Variants in FOXP2 observed in about 807,000 individuals in gnomAD.
FOXP2 encodes the protein forkhead box protein P2.
In FOXP2, 12 loss-of-function variants were observed where a neutral mutation model predicts 115.8. That is an observed-to-expected ratio of 0.10 (90% CI 0.07 to 0.17). The LOEUF is 0.17. Ranked by LOEUF, FOXP2 falls within the 10% of genes least tolerant of loss-of-function variation. FOXP2 has a pLI of 1.00. For missense variants in FOXP2, 629 were observed against 843.5 expected, an observed-to-expected ratio of 0.75 and a Z score of 3.15; for synonymous variants, 328 against 297.7, an observed-to-expected ratio of 1.10 and a Z score of -1.05.
intron 2 of FOXP2, among the ~76,000 whole-genome samples, chr7:114,310,845 T>A (rs1170897367): frequency 6.6e-6 from 1 of 152,150 alleles, no homozygotes; most frequent in Non-Finnish European, 1.5e-5. Flanking sequence ...TAAAAAGCTC[T>A]CTAGCAGAAA....
intron 2 of FOXP2, among the ~76,000 whole-genome samples, chr7:114,312,807 T>G (rs1797178143): frequency 6.6e-6 from 1 of 152,216 alleles, no homozygotes. Flanking sequence ...AGCAGTAAGC[T>G]AGCCTGCTCT....
chr7:114,163,063 G>C (rs905453099), exon 1 of FOXP2: 3 of 152,130 alleles, frequency 2.0e-5, no homozygotes, highest in African/African-American at 7.2e-5. Context: ...TCCTGAGAGA[G>C]AGAATTAAAG....
At chr7:114,469,287 C>T (rs1795942140) in intron 2 of FOXP2, among the ~76,000 whole-genome samples, 1 of 152,090 alleles carries the variant, frequency 6.6e-6, no homozygotes, top group African/African-American at 2.4e-5. Context: ...ACACAATATC[C>T]TATGTCATAT....
At chr7:114,449,713 T>C (rs1423884065) in intron 2 of FOXP2, among the ~76,000 whole-genome samples, 1 of 152,120 alleles carries the variant, frequency 6.6e-6, no homozygotes, top group Non-Finnish European at 1.5e-5. Flanking sequence ...GCTACCTAGG[T>C]TTAATTGGTT....
chr7:114,544,334 C>T (rs1219616873), intron 3 of FOXP2, among the ~76,000 whole-genome samples: 1 of 152,074 alleles, frequency 6.6e-6, no homozygotes, highest in African/African-American at 2.4e-5. Flanking sequence ...AGTTAGAGAG[C>T]CTCTGTCTAA....
At chr7:114,182,036 A>G (rs548147769) in intron 1 of FOXP2, among the ~76,000 whole-genome samples, 1 of 152,124 alleles carries the variant, frequency 6.6e-6, no homozygotes, top group East Asian at 1.9e-4. Flanking sequence ...ATATACTTTA[A>G]TTGCTTTATG....
intron 2 of FOXP2, among the ~76,000 whole-genome samples, chr7:114,434,426 G>A (rs1794247300): frequency 1.2e-5 from 1 of 83,678 alleles, no homozygotes; most frequent in Non-Finnish European, 2.3e-5. Flanking sequence ...TGACCTCACG[G>A]TTTAATATAT....
chr7:114,447,708 G>T (rs1794896750), intron 2 of FOXP2, among the ~76,000 whole-genome samples: 1 of 152,006 alleles, frequency 6.6e-6, no homozygotes, highest in African/African-American at 2.4e-5. Flanking sequence ...TCATTTCGGG[G>T]AGTCTCTATC....
At chr7:114,327,407 G>C (rs1797584630) in intron 2 of FOXP2, among the ~76,000 whole-genome samples, 1 of 151,824 alleles carries the variant, frequency 6.6e-6, no homozygotes, top group African/African-American at 2.4e-5. Flanking sequence ...TAAATGTTTT[G>C]CCTCTTGAAG....
chr7:114,451,879 G>A (rs1398913262), intron 2 of FOXP2, among the ~76,000 whole-genome samples: 6 of 152,002 alleles, frequency 3.9e-5, no homozygotes, highest in Non-Finnish European at 5.9e-5. Context: ...TAGAAGGGTT[G>A]TATTTGAGTG....
chr7:114,555,867 T>C (rs1390505473), intron 3 of FOXP2, among the ~76,000 whole-genome samples: 2 of 152,110 alleles, frequency 1.3e-5, no homozygotes, highest in African/African-American at 4.8e-5. Flanking sequence ...GGCTCCACCA[T>C]GGAGGGGATC....
At chr7:114,485,952 A>G (rs1796754311) in intron 2 of FOXP2, among the ~76,000 whole-genome samples, 2 of 152,202 alleles carry the variant, frequency 1.3e-5, no homozygotes, top group South Asian at 4.1e-4. Context: ...TCCTAAAGAC[A>G]TAGTCTCCTC....
chr7:114,562,444 G>GA (rs1285323804), intron 3 of FOXP2, among the ~76,000 whole-genome samples: 2 of 152,260 alleles, frequency 1.3e-5, no homozygotes, highest in East Asian at 3.9e-4. Context: ...CTACTTCAGA[G>GA]AAAAAATTTA....
rs572746275 is a variant in FOXP2, at chr7:114,228,949, A to G, written c.-101-59070A>G. Among the ~76,000 whole-genome samples, 253 of 151,708 alleles carry G rather than the reference A, an allele frequency of 1.7e-3. 4 individuals are homozygous for G. The highest frequency in any genetic ancestry group is 1.1e-3 in the Non-Finnish European group (73 of 67,702). The stretch of plus-strand genomic sequence containing the variant: ...TAATTAAACTGTTCAAGAAAAATAC[A>G]TAGAATAGCCAGATGGATAAAAACA... On this transcript the variant is annotated intron_variant, in intron 1 of 17. Coordinates refer to the FOXP2 transcript ENST00000634411.
intron 1 of FOXP2, among the ~76,000 whole-genome samples, chr7:114,204,723 A>G (rs911375588): frequency 6.6e-6 from 1 of 152,158 alleles, no homozygotes; most frequent in Non-Finnish European, 1.5e-5. Context: ...TTTTGAGAGT[A>G]TTTGCTAGTA....
At chr7:114,297,361 T>C in intron 2 of FOXP2, 1 of 710,800 alleles carries the variant, frequency 1.4e-6, no homozygotes, top group African/African-American at 1.8e-5. Context: ...TGCCTGGGCT[T>C]GCTCACGTTC....
At chr7:114,459,429 G>A (rs1048224203) in intron 2 of FOXP2, among the ~76,000 whole-genome samples, 2 of 152,198 alleles carry the variant, frequency 1.3e-5, no homozygotes, top group Non-Finnish European at 2.9e-5. Flanking sequence ...TCATTGTGGA[G>A]TCAAAAGCAA....
In FOXP2 at chr7:114,163,610, C is replaced by T. The variant is rs761642705; in HGVS notation, c.-102+522C>T. 1.6e-4 allele frequency among the ~76,000 whole-genome samples: 25 copies of T among 152,058 alleles called. No individual in the cohort carries two copies. In the South Asian group the frequency reaches 1.7e-3, roughly 10 times the overall value. The stretch of plus-strand genomic sequence containing the variant: ...CACAAATATATCAATTTTGTCGGCT[C>T]AGTGTACTGGAAAGACTGATTCCCT... On this transcript the variant is annotated intron_variant, in intron 1 of 17. Coordinates refer to the FOXP2 transcript ENST00000634411.
At chr7:114,346,494 G>A (rs1791352282) in intron 2 of FOXP2, among the ~76,000 whole-genome samples, 1 of 151,794 alleles carries the variant, frequency 6.6e-6, no homozygotes, top group Non-Finnish European at 1.5e-5. Context: ...GTTTATTGCA[G>A]TGTTATTTAT....
Sources: gnomAD v4.1 joint callset for allele counts (sites outside exome capture counted in the v4.1 genomes callset) on GRCh38, gnomAD v4.1.1 for gene constraint, MANE v1.5 for transcripts, NCBI Gene and HGNC (gene_info 2026-07-23, HGNC 2026-07-21) for gene names.